GALNT17: variants seen among roughly 807,000 people sequenced by gnomAD.
GALNT17 encodes polypeptide N-acetylgalactosaminyltransferase 17, also known as UDP-GalNAc:polypeptide N-acetylgalactosaminyltransferase-like 3.
GALNT17 carries 29 observed loss-of-function variants against 63.7 expected under a neutral mutation model. That is an observed-to-expected ratio of 0.46 (90% CI 0.34 to 0.62). The LOEUF (loss-of-function observed/expected upper bound fraction) is 0.62. GALNT17 is among the 20% of genes least tolerant of loss of function. The pLI is 0.01. For missense variants in GALNT17, 603 were observed against 799.6 expected (o/e 0.75, Z 2.97); for synonymous variants, 305 against 318.3 (o/e 0.96, Z 0.45).
chr7:71,365,158 C>T (rs941771603), intron 2 of GALNT17, among the ~76,000 whole-genome samples: 7 of 152,178 alleles, frequency 4.6e-5, no homozygotes, highest in African/African-American at 1.7e-4. Context: ...GTCTCACACT[C>T]CTGACCTAAA....
intron 5 of GALNT17, among the ~76,000 whole-genome samples, chr7:71,548,651 G>C (rs981121214): frequency 6.6e-6 from 1 of 152,154 alleles, no homozygotes; most frequent in Non-Finnish European, 1.5e-5. Context: ...CTTCTGCCAC[G>C]ATCGTGAGGC....
intron 1 of GALNT17, among the ~76,000 whole-genome samples, chr7:71,139,708 G>C (rs920129488): frequency 6.6e-6 from 1 of 152,012 alleles, no homozygotes; most frequent in African/African-American, 2.4e-5. Context: ...AGAGAGGAAT[G>C]GTGGCCGGGC....
intron 6 of GALNT17, among the ~76,000 whole-genome samples, chr7:71,655,422 T>A (rs1464577836): frequency 1.3e-5 from 2 of 152,156 alleles, no homozygotes; most frequent in Non-Finnish European, 1.5e-5. Context: ...CTTGGGGAAT[T>A]CCTGGCAGTC....
At chr7:71,647,408 C>G (rs1790695599) in intron 6 of GALNT17, among the ~76,000 whole-genome samples, 1 of 152,012 alleles carries the variant, frequency 6.6e-6, no homozygotes, top group Admixed American at 6.5e-5. Context: ...GATGGGGAGA[C>G]AAGTTGGAGG....
intron 5 of GALNT17, among the ~76,000 whole-genome samples, chr7:71,519,208 G>A (rs1445970386): frequency 2.6e-5 from 4 of 152,100 alleles, no homozygotes; most frequent in Non-Finnish European, 5.9e-5. Flanking sequence ...ATAAACACAG[G>A]GATGCAGGAT....
Position 71,310,934 on chromosome 7 carries a change from G to C in GALNT17, c.239-24616G>C, listed in dbSNP as rs543894490. On this transcript the variant is annotated intron_variant, in intron 1 of 10. Coordinates refer to ENST00000333538, the MANE Select transcript of GALNT17 (RefSeq NM_022479.3). ...GACTACCACGGTAGTTCTCTATCACGACACTAGTCCAGTAAATCCTGCTTT... is the reference window on the plus strand; with the variant it reads ...GACTACCACGGTAGTTCTCTATCACCACACTAGTCCAGTAAATCCTGCTTT... Among the ~76,000 whole-genome samples, 17 of 152,312 alleles carry C rather than the reference G, an allele frequency of 1.1e-4. No individual in the cohort carries two copies. The East Asian group carries it at 2.5e-3, about 22-fold the overall frequency.
intron 5 of GALNT17, among the ~76,000 whole-genome samples, chr7:71,482,307 G>A (rs1241461617): frequency 2.6e-5 from 4 of 151,974 alleles, no homozygotes; most frequent in African/African-American, 7.2e-5. Flanking sequence ...CTGCCACCAC[G>A]CCAGGTGATT....
At chr7:71,709,276 C>T (rs575193387) in intron 9 of GALNT17, among the ~76,000 whole-genome samples, 2 of 152,186 alleles carry the variant, frequency 1.3e-5, no homozygotes, top group East Asian at 3.9e-4. Context: ...GATGGTATCT[C>T]ATTGTGGTTT....
At chr7:71,387,430 A>G (rs1251154622) in intron 2 of GALNT17, among the ~76,000 whole-genome samples, 1 of 151,584 alleles carries the variant, frequency 6.6e-6, no homozygotes, top group Non-Finnish European at 1.5e-5. Context: ...GGCTCAAGTG[A>G]TCCTCCCACC....
intron 5 of GALNT17, among the ~76,000 whole-genome samples, chr7:71,510,327 C>T (rs1430615550): frequency 6.6e-6 from 1 of 152,170 alleles, no homozygotes; most frequent in Non-Finnish European, 1.5e-5. Flanking sequence ...AGACCATTTT[C>T]ATTACCTCAG....
intron 2 of GALNT17, among the ~76,000 whole-genome samples, chr7:71,358,769 C>A (rs192101614): frequency 6.1e-4 from 93 of 151,614 alleles, no homozygotes; most frequent in Non-Finnish European, 7.8e-4. Context: ...CTTTTCTTTT[C>A]TTTTTCTTTT....
chr7:71,250,891 C>T (rs1790185806), intron 1 of GALNT17, among the ~76,000 whole-genome samples: 1 of 152,176 alleles, frequency 6.6e-6, no homozygotes, highest in African/African-American at 2.4e-5. Flanking sequence ...GTTTTCAATA[C>T]ATTTTCCAAA....
chr7:71,707,451 C>G (rs1791736984), intron 9 of GALNT17, among the ~76,000 whole-genome samples: 1 of 152,234 alleles, frequency 6.6e-6, no homozygotes, highest in African/African-American at 2.4e-5. Flanking sequence ...AGTACAGGCC[C>G]TGTTGTGGGA....
intron 1 of GALNT17, among the ~76,000 whole-genome samples, chr7:71,275,691 C>G (rs576245780): frequency 6.6e-6 from 1 of 152,238 alleles, no homozygotes; most frequent in Non-Finnish European, 1.5e-5. Context: ...GTGGGATGCA[C>G]GTGGTGCTAG....
intron 1 of GALNT17, among the ~76,000 whole-genome samples, chr7:71,324,110 G>T (rs1175854541): frequency 2.0e-5 from 3 of 152,186 alleles, no homozygotes; most frequent in African/African-American, 7.2e-5. Flanking sequence ...ACGAGGCTGG[G>T]CAAGGACTCC....
intron 2 of GALNT17, among the ~76,000 whole-genome samples, chr7:71,365,205 T>TTA (rs1214710353): frequency 6.6e-6 from 1 of 152,064 alleles, no homozygotes; most frequent in Admixed American, 6.6e-5. Flanking sequence ...AGCACGGGGA[T>TTA]TACAGGCATA....
intron 1 of GALNT17, among the ~76,000 whole-genome samples, chr7:71,165,564 A>G (rs1788425315): frequency 6.6e-6 from 1 of 152,146 alleles, no homozygotes; most frequent in Non-Finnish European, 1.5e-5. Context: ...TAGCACCGGA[A>G]AGATCTGCCC....
chr7:71,153,532 G>A (rs1192149196), intron 1 of GALNT17, among the ~76,000 whole-genome samples: 1 of 152,164 alleles, frequency 6.6e-6, no homozygotes, highest in Non-Finnish European at 1.5e-5. Context: ...AGTGGCTGGT[G>A]AGGACTGGTC....
rs553273933 is a variant in GALNT17 at position 71,237,718 on chromosome 7, T to C, written c.239-97832T>C. Among the ~76,000 whole-genome samples, 10 of 151,870 alleles carry C rather than the reference T, an allele frequency of 6.6e-5. No homozygotes were observed. In the East Asian group the frequency reaches 1.9e-3, roughly 30 times the overall value. On this transcript the variant is annotated intron_variant, in intron 1 of 10. Transcript: ENST00000333538. ...AACAAACAAACAAGTAAACGGAAAA[T>C]AGCCAGCCCCAGCACAGAGCTTAGC...
Sources: allele counts gnomAD v4.1 joint callset (sites outside exome capture counted in the v4.1 genomes callset), GRCh38; gene constraint gnomAD v4.1.1; transcripts MANE v1.5; gene names NCBI Gene and HGNC (gene_info 2026-07-23, HGNC 2026-07-21).